Variants in KCNK9 observed in about 807,000 individuals in gnomAD.
KCNK9 encodes the protein potassium channel subfamily K member 9.
A neutral mutation model predicts 10.8 loss-of-function variants in KCNK9; 1 was observed. The observed-to-expected ratio is 0.09, with a 90% CI of 0.03 to 0.44. The LOEUF is 0.44. KCNK9 is among the 20% of genes least tolerant of loss of function. The pLI is 0.97. For synonymous variants in KCNK9, 231 were observed against 222.7 expected (o/e 1.04, Z -0.33); for missense variants, 303 against 515.0 (o/e 0.59, Z 3.98).
At position 139,618,668 on chromosome 8, in the gene KCNK9, G is replaced by C; in HGVS notation, c.715C>G (p.Leu239Val). Residue 239 changes from leucine to valine, a missense_variant, in exon 2 of 2, where the codon CTC (leucine) becomes GTC (valine). This residue lies in a region of KCNK9 where 53 missense variants were observed against 134.9 expected (regional missense o/e 0.39). Transcript: ENST00000520439. This position sits in a 1 kb window ranked among gnomAD's most constrained non-coding sequence, Gnocchi z 7.9. ...LVGLTVIGAF[L>V]NLVVLRFLTM... ...AAGAACCTGAGGACGACCAGGTTGA[G>C]GAAGGCCCCGATGACCGTCAGCCCC... 6.2e-7 allele frequency: 1 copy of C among 1,614,210 alleles called. No homozygotes were observed. Among genetic ancestry groups the C allele is most frequent in the Non-Finnish European group, 8.5e-7 (1 of 1,180,044 alleles).
chr8:139,644,494 G>A (rs955759430), intron 1 of KCNK9, among the ~76,000 whole-genome samples: 2 of 152,226 alleles, frequency 1.3e-5, no homozygotes, highest in African/African-American at 4.8e-5. Flanking sequence ...AGGTGGTTCA[G>A]GGTGGGCTCC....
chr8:139,658,610 A>G (rs885725), intron 1 of KCNK9, among the ~76,000 whole-genome samples: 74,485 of 152,016 alleles, frequency 0.49, 23,381 homozygotes, highest in East Asian at 0.88. Context: ...TGCCTTCTGG[A>G]ATTCAGCCAC....
intron 1 of KCNK9, among the ~76,000 whole-genome samples, chr8:139,689,317 A>AAATC: frequency 6.6e-6 from 1 of 152,326 alleles, no homozygotes; most frequent in South Asian, 2.1e-4. Context: ...AGAAAACAGC[A>AAATC]AATCATCTGA....
chr8:139,602,869 A>G, intron 2 of KCNK9, among the ~76,000 whole-genome samples: 1 of 152,194 alleles, frequency 6.6e-6, no homozygotes, highest in East Asian at 1.9e-4. Context: ...GCAGAAAGGG[A>G]GAGTAAAACC....
Position 139,638,573 on chromosome 8 carries a change from G to A in KCNK9, c.284-19474C>T, listed in dbSNP as rs117955504. ...GAGAGGGGCACACGGGCTACTGCAG[G>A]ACCAGAAGCAGGGAGCTTCGCTGGG... On this transcript the variant is annotated intron_variant, in intron 1 of 1. Transcript: ENST00000520439. Among the ~76,000 whole-genome samples the A allele has an allele frequency of 4.9e-3, 748 of 152,332 alleles. 1 individual carries two copies. The highest frequency in any genetic ancestry group is 0.01 in the Middle Eastern group (3 of 294).
intron 1 of KCNK9, among the ~76,000 whole-genome samples, chr8:139,647,470 C>T (rs1586661074): frequency 6.6e-6 from 1 of 152,308 alleles, no homozygotes; most frequent in East Asian, 1.9e-4. Context: ...AGTGCATGCC[C>T]AGCATGATGA....
At chr8:139,663,331 C>T (rs1325973580) in intron 1 of KCNK9, among the ~76,000 whole-genome samples, 1 of 152,088 alleles carries the variant, frequency 6.6e-6, no homozygotes, top group Non-Finnish European at 1.5e-5. Flanking sequence ...ACACAGCAAA[C>T]GTGTTCCTCC....
chr8:139,642,072 G>A (rs1356944117), intron 1 of KCNK9, among the ~76,000 whole-genome samples: 2 of 152,254 alleles, frequency 1.3e-5, no homozygotes, highest in Non-Finnish European at 2.9e-5. Context: ...ACTCATCCAA[G>A]ATAGTCTAGA....
At chr8:139,688,071 T>C (rs1403981772) in intron 1 of KCNK9, among the ~76,000 whole-genome samples, 1 of 152,172 alleles carries the variant, frequency 6.6e-6, no homozygotes, top group East Asian at 1.9e-4. Context: ...TTACCAGTTT[T>C]TAAATCCAAT....
exon 3 of KCNK9, chr8:139,601,496 G>A (rs911371547): frequency 1.3e-5 from 2 of 152,198 alleles, no homozygotes; most frequent in African/African-American, 4.8e-5. Flanking sequence ...TTCAACCTCT[G>A]CCACTGCTGG....
intron 1 of KCNK9, among the ~76,000 whole-genome samples, chr8:139,632,289 C>A (rs1401837390): frequency 2.0e-5 from 3 of 152,190 alleles, no homozygotes; most frequent in Non-Finnish European, 4.4e-5. Context: ...CTGTGGGGTG[C>A]CCCAGGCCTT....
intron 1 of KCNK9, among the ~76,000 whole-genome samples, chr8:139,625,578 G>C (rs147791488): frequency 1.3e-4 from 20 of 152,204 alleles, no homozygotes; most frequent in Non-Finnish European, 2.9e-5. Context: ...AAGGTGGCTG[G>C]GGGCAGCTTT....
At chr8:139,688,674 G>T (rs545253443) in intron 1 of KCNK9, among the ~76,000 whole-genome samples, 1 of 152,200 alleles carries the variant, frequency 6.6e-6, no homozygotes, top group Non-Finnish European at 1.5e-5. Context: ...ACCATGGCAG[G>T]CTTCCAGCCT....
At chr8:139,642,885 C>T (rs895820161) in intron 1 of KCNK9, among the ~76,000 whole-genome samples, 7 of 152,130 alleles carry the variant, frequency 4.6e-5, no homozygotes, top group Non-Finnish European at 1.0e-4. Flanking sequence ...CTCAGGAAAC[C>T]CCAGGAAGCA....
intron 1 of KCNK9, among the ~76,000 whole-genome samples, chr8:139,634,910 G>A (rs1019448957): frequency 2.0e-5 from 3 of 152,168 alleles, no homozygotes; most frequent in African/African-American, 4.8e-5. Flanking sequence ...TTCATCTGAA[G>A]GGTGTTGCCT....
At chr8:139,692,499 C>CA (rs1397610887) in intron 1 of KCNK9, among the ~76,000 whole-genome samples, 22 of 152,210 alleles carry the variant, frequency 1.4e-4, no homozygotes, top group African/African-American at 5.1e-4. Flanking sequence ...ATTCAACACA[C>CA]ACTGGCTTCC....
At chr8:139,665,846 C>T (rs551606525) in intron 1 of KCNK9, among the ~76,000 whole-genome samples, 1 of 152,364 alleles carries the variant, frequency 6.6e-6, no homozygotes, top group Non-Finnish European at 1.5e-5. Context: ...TGAGCCTCCA[C>T]CATCCACCCC....
At position 139,690,370 on chromosome 8, in the gene KCNK9, C is replaced by T. The variant is rs1816912746; in HGVS notation, c.283+12340G>A. ...CTGTAAAAAAACAGAATCCCATGGGCATGCCATAAACAATAGCTCTTTGGT... is the reference window on the plus strand; with the variant it reads ...CTGTAAAAAAACAGAATCCCATGGGTATGCCATAAACAATAGCTCTTTGGT... On this transcript the variant is annotated intron_variant, in intron 1 of 1. Transcript: ENST00000520439. 2.0e-5 allele frequency among the ~76,000 whole-genome samples: 3 copies of T among 152,204 alleles called. No homozygotes were observed. In the South Asian group the frequency reaches 6.2e-4, roughly 32 times the overall value.
chr8:139,655,457 G>A (rs1042838275), intron 1 of KCNK9, among the ~76,000 whole-genome samples: 22 of 152,162 alleles, frequency 1.4e-4, no homozygotes, highest in Admixed American at 1.3e-3. Flanking sequence ...GCGCTGAGGT[G>A]GGGCTGGGGG....
Sources: gnomAD v4.1 joint callset for allele counts (sites outside exome capture counted in the v4.1 genomes callset) on GRCh38, gnomAD v4.1.1 for gene constraint, gnomAD v4.1.1 regional missense constraint, Gnocchi (gnomAD v3.1) non-coding constraint, MANE v1.5 for transcripts, NCBI Gene and HGNC (gene_info 2026-07-23, HGNC 2026-07-21) for gene names.